Variants in DENND3 observed in about 807,000 individuals in gnomAD.
DENND3 encodes DENN domain-containing protein 3.
A neutral mutation model predicts 135.1 loss-of-function variants in DENND3; 88 were observed. The ratio of observed to expected loss-of-function variants is 0.65; its 90% CI spans 0.55 to 0.78. The LOEUF is 0.78. DENND3 is among the 30% of genes least tolerant of loss of function. DENND3 has a pLI of 0.00. For synonymous variants in DENND3, 693 were observed against 712.3 expected (o/e 0.97, Z 0.43); for missense variants, 1,392 against 1,688.4 (o/e 0.82, Z 3.08).
chr8:141,194,264 C>T lies in DENND3; in HGVS notation c.*31C>T, dbSNP rs765219694. 1.2e-5 allele frequency: 19 copies of T among 1,601,920 alleles called. No individual in the cohort carries two copies. Among genetic ancestry groups the T allele is most frequent in the Non-Finnish European group, 1.4e-5 (17 of 1,175,648 alleles). On this transcript the variant is annotated 3_prime_UTR_variant, in exon 23 of 23. Transcript: ENST00000519811. The stretch of plus-strand genomic sequence containing the variant: ...GCTGAGTCTGCCAAGTGGAACTGTG[C>T]CCTATGTGTGGGGACTGGCTGCCCC...
chr8:141,181,223 A>G (rs569520815), intron 17 of DENND3, among the ~76,000 whole-genome samples: 1 of 152,126 alleles, frequency 6.6e-6, no homozygotes, highest in East Asian at 1.9e-4. Flanking sequence ...GCAGTGGTGA[A>G]TCTTGGCTCA....
At chr8:141,135,205 G>A (rs1296877227) in intron 1 of DENND3, among the ~76,000 whole-genome samples, 2 of 149,234 alleles carry the variant, frequency 1.3e-5, no homozygotes, top group African/African-American at 2.5e-5. Flanking sequence ...AGGCCGGAGC[G>A]CAGTGGTGTG....
At position 141,134,735 on chromosome 8, in the gene DENND3, G is replaced by A. The variant is rs112991930; in HGVS notation, c.103-1774G>A. ...TGCCGTTGTTGAAATTTCTTCCAGCGTAAGACTCCCCTTTTGTCACTGCTG... is the reference window on the plus strand; with the variant it reads ...TGCCGTTGTTGAAATTTCTTCCAGCATAAGACTCCCCTTTTGTCACTGCTG... On this transcript the variant is annotated intron_variant, in intron 1 of 22. Transcript: ENST00000519811. 4.0e-3 allele frequency among the ~76,000 whole-genome samples: 606 copies of A among 149,764 alleles called. 1 individual carries two copies. The highest frequency in any genetic ancestry group is 0.014 in the African/African-American group (559 of 39,140).
intron 9 of DENND3, among the ~76,000 whole-genome samples, chr8:141,161,798 CTTTTTTTTTT>C (rs766568248): frequency 7.7e-6 from 1 of 129,368 alleles, no homozygotes; most frequent in Non-Finnish European, 1.6e-5. Flanking sequence ...TTTGAGTGGC[CTTTTTTTTTT>C]TTTTTTTTTT....
rs758213707 is a variant in DENND3, at chr8:141,136,635, G to A, written c.229G>A (p.Gly77Ser). Residue 77 changes from glycine to serine, a missense_variant, in exon 2 of 23, where the codon GGT becomes AGT. Physicochemically the swap from Gly to Ser is moderately conservative, Grantham distance 56. Coordinates refer to ENST00000519811, the MANE Select transcript of DENND3 (RefSeq NM_001352890.3). ...GGCCGGTGCCAACTGCGGCACTCTC[G>A]GTAAAACCCGGATGCGCTCCTTGAG... The part of the protein sequence containing the change: ...QMAGANCGTL[G>S]KTRMRSLRKK... The A allele has an allele frequency of 5.0e-6, 8 of 1,610,720 alleles. No individual in the cohort carries two copies. The highest frequency in any genetic ancestry group is 3.4e-5 in the Admixed American group (2 of 59,540).
intron 8 of DENND3, chr8:141,158,118 C>T: frequency 7.9e-7 from 1 of 1,266,770 alleles, no homozygotes; most frequent in Non-Finnish European, 1.0e-6. Context: ...GCCTTAAAGC[C>T]AAGCGATGGT....
chr8:141,168,558 A>G lies in DENND3; in HGVS notation c.2275+33A>G, dbSNP rs1267959620. ...GAGGCCTGGCACCATCACAGATTTT[A>G]TTATTTAGAGACAGGGTCTGGCTCT... On this transcript the variant is annotated intron_variant, in intron 13 of 22. Transcript: ENST00000519811. This position sits in a 1 kb window ranked among gnomAD's most constrained non-coding sequence, Gnocchi z 6.2. 2 of 1,572,164 alleles carry G rather than the reference A, an allele frequency of 1.3e-6. No individual in the cohort carries two copies. Among genetic ancestry groups the G allele is most frequent in the Admixed American group, 1.8e-5 (1 of 56,106 alleles).
intron 9 of DENND3, among the ~76,000 whole-genome samples, chr8:141,161,097 C>A (rs900945316): frequency 6.6e-6 from 1 of 152,250 alleles, no homozygotes; most frequent in Non-Finnish European, 1.5e-5. Flanking sequence ...CTCCTGGTGA[C>A]CCCCTGCAGG....
rs1191251430 is a variant in DENND3, at chr8:141,138,941, C to T, written c.501+804C>T. 1.3e-5 allele frequency among the ~76,000 whole-genome samples: 2 copies of T among 152,126 alleles called. No homozygotes were observed. Among genetic ancestry groups the T allele is most frequent in the East Asian group, 3.9e-4 (2 of 5,188 alleles). The stretch of plus-strand genomic sequence containing the variant: ...TTCCGCCTTTTGTCTTTGGTGTGAG[C>T]GACTGGCGTTTAGACTTTACAACAC... On this transcript the variant is annotated intron_variant, in intron 3 of 22. Coordinates refer to ENST00000519811, the MANE Select transcript of DENND3 (RefSeq NM_001352890.3). This position sits in a 1 kb window ranked among gnomAD's most constrained non-coding sequence, Gnocchi z 4.8.
At chr8:141,159,182 C>T (rs1444109390) in intron 8 of DENND3, among the ~76,000 whole-genome samples, 3 of 152,212 alleles carry the variant, frequency 2.0e-5, no homozygotes, top group African/African-American at 7.2e-5. Flanking sequence ...CTGGCCCTGG[C>T]ACCGCGTGCC....
chr8:141,171,129 T>C (rs949257278), intron 13 of DENND3, among the ~76,000 whole-genome samples: 4 of 152,210 alleles, frequency 2.6e-5, no homozygotes, highest in African/African-American at 7.2e-5. Context: ...TGGTCTTGAT[T>C]CTGGGATATG....
Position 141,195,095 on chromosome 8 carries a change from C to G in DENND3, c.*862C>G, listed in dbSNP as rs1048661269. 5 of 152,244 alleles carry G rather than the reference C, an allele frequency of 3.3e-5. No individual in the cohort carries two copies. The highest frequency in any genetic ancestry group is 2.6e-4 in the Admixed American group (4 of 15,290). 9.4% of individuals were successfully genotyped at this position (152,244 alleles called of 1,614,324 possible). ...CGTCTTCAGTGTGCCGCTCAGTTCC[C>G]TGAATCCGTGTGCACACTGCGTATG... On this transcript the variant is annotated 3_prime_UTR_variant, in exon 23 of 23. Transcript: ENST00000519811.
Position 141,167,153 on chromosome 8 carries a change from GC to G in DENND3, c.1753+765del, listed in dbSNP as rs763782786. The stretch of plus-strand genomic sequence containing the variant: ...ATGACAGACCACGTTGTCTTTATCG[GC>G]TGAGCGCTGGAGCTCAGAGCGAACA... On this transcript the variant is annotated intron_variant, in intron 12 of 22. Transcript: ENST00000519811. The surrounding 1 kb of genome is among the most constrained non-coding windows in gnomAD (Gnocchi z 4.1). Among the ~76,000 whole-genome samples the G allele has an allele frequency of 4.6e-5, 7 of 152,182 alleles. No individual in the cohort carries two copies. The highest frequency in any genetic ancestry group is 8.8e-5 in the Non-Finnish European group (6 of 68,020).
In DENND3 at chr8:141,194,130, C is replaced by T. The variant is rs61743929; in HGVS notation, c.3734C>T (p.Ala1245Val). The stretch of plus-strand genomic sequence containing the variant: ...AAGACCGTGGAGAAGGAGCTGGTGG[C>T]GCACATGGACACCGTGAGGACGCTG... Reference protein sequence around the residue: ...ERKTVEKELVAHMDTVRTLCS... With the variant: ...ERKTVEKELVVHMDTVRTLCS... The change falls in exon 23 of 23, where the codon GCG becomes GTG. Residue 1245 changes from alanine to valine, a missense_variant. By Grantham distance (64) the Ala-to-Val change is moderately conservative. Coordinates refer to ENST00000519811, the MANE Select transcript of DENND3 (RefSeq NM_001352890.3). 2.0e-4 allele frequency: 316 copies of T among 1,613,894 alleles called. 4 individuals are homozygous for T. In the Middle Eastern group the frequency reaches 9.2e-3, roughly 47 times the overall value.
chr8:141,181,594 C>T (rs879307384), intron 17 of DENND3, among the ~76,000 whole-genome samples: 2 of 152,108 alleles, frequency 1.3e-5, no homozygotes, highest in Non-Finnish European at 2.9e-5. Context: ...AGGAAATGGG[C>T]GCGGCCAAGA....
At chr8:141,157,569 GT>G in intron 8 of DENND3, 1 of 985,890 alleles carries the variant, frequency 1.0e-6, no homozygotes, top group Non-Finnish European at 1.2e-6. Context: ...CTGTGATGCA[GT>G]CTGGATTTCA....
chr8:141,157,759 C>CTTTTTTTTTTTTTTTT lies in DENND3; in HGVS notation c.1196+1791_1196+1806dup, dbSNP rs374868733. On this transcript the variant is annotated intron_variant, in intron 8 of 22. Transcript: ENST00000519811. ...TGAAAAATGTTTAGGAAAACTACCT[C>CTTTTTTTTTTTTTTTT]TTTTTTTTTTTTTTTTTGGAGACAG... 28 of 648,494 alleles carry CTTTTTTTTTTTTTTTT rather than the reference C, an allele frequency of 4.3e-5. No homozygotes were observed. In the African/African-American group the frequency reaches 5.7e-4, roughly 13 times the overall value. The allele number at this position is 648,494 out of a possible 1,614,324, so 40.2% of individuals were successfully genotyped here.
chr8:141,195,610 C>T lies in DENND3; in HGVS notation c.*1377C>T, dbSNP rs920077940. 1 of 152,364 alleles carries T rather than the reference C, an allele frequency of 6.6e-6. No individual in the cohort carries two copies. The highest frequency in any genetic ancestry group is 2.4e-5 in the African/African-American group (1 of 41,580). 9.4% of individuals were successfully genotyped at this position (152,364 alleles called of 1,614,324 possible). ...GAGAATTATGTGGCCTCATCCTCCC[C>T]CAAGGCTGTGCTTGCAGCCCGGGCA... On this transcript the variant is annotated 3_prime_UTR_variant, in exon 23 of 23. Transcript: ENST00000519811.
At chr8:141,132,557 A>G (rs1816260461) in intron 1 of DENND3, among the ~76,000 whole-genome samples, 1 of 152,124 alleles carries the variant, frequency 6.6e-6, no homozygotes, top group Non-Finnish European at 1.5e-5. Context: ...GGGTTTCTCC[A>G]TGTTGATCAG....
Sources: gnomAD v4.1 joint callset for allele counts (sites outside exome capture counted in the v4.1 genomes callset) on GRCh38, gnomAD v4.1.1 for gene constraint, Gnocchi (gnomAD v3.1) non-coding constraint, MANE v1.5 for transcripts, NCBI Gene and HGNC (gene_info 2026-07-23, HGNC 2026-07-21) for gene names.